MAP4K4: variants seen among roughly 807,000 people sequenced by gnomAD.
The protein encoded by MAP4K4 is mitogen-activated protein kinase kinase kinase kinase 4, also known as HPK/GCK-like kinase HGK.
In MAP4K4, 38 loss-of-function variants were observed where a neutral mutation model predicts 189.6. The ratio of observed to expected loss-of-function variants is 0.20; its 90% CI spans 0.15 to 0.26. MAP4K4 has a LOEUF of 0.26. Ranked by LOEUF, MAP4K4 falls within the 10% of genes least tolerant of loss-of-function variation. The pLI is 1.00. For synonymous variants in MAP4K4, 610 were observed against 624.3 expected (o/e 0.98, Z 0.34); for missense variants, 1,054 against 1,726.9 (o/e 0.61, Z 6.91).
intron 12 of MAP4K4, among the ~76,000 whole-genome samples, chr2:101,855,718 G>A (rs796634688): frequency 1.2e-4 from 19 of 152,296 alleles, no homozygotes; most frequent in African/African-American, 4.3e-4. Context: ...GGTGCAGTGA[G>A]CAGTGGGGAA....
chr2:101,711,749 A>G (rs1559047505), intron 2 of MAP4K4, among the ~76,000 whole-genome samples: 1 of 152,168 alleles, frequency 6.6e-6, no homozygotes, highest in African/African-American at 2.4e-5. Context: ...TATTTTGTAT[A>G]AGCAAGGGCT....
chr2:101,819,830 A>G (rs778978860), intron 3 of MAP4K4, among the ~76,000 whole-genome samples: 3 of 152,198 alleles, frequency 2.0e-5, no homozygotes, highest in Non-Finnish European at 4.4e-5. Flanking sequence ...AGATGTTAAG[A>G]GTGTGTACTT....
chr2:101,807,775 A>C (rs2095095812), intron 3 of MAP4K4, among the ~76,000 whole-genome samples: 1 of 150,454 alleles, frequency 6.6e-6, no homozygotes, highest in African/African-American at 2.4e-5. Flanking sequence ...AGAGTGGGGG[A>C]GGGGGAGGGA....
chr2:101,830,348 G>A (rs1409974601), intron 6 of MAP4K4, among the ~76,000 whole-genome samples: 2 of 152,074 alleles, frequency 1.3e-5, no homozygotes, highest in Admixed American at 6.6e-5. Context: ...AGCCCATGGT[G>A]TTTTCCTGGA....
intron 3 of MAP4K4, among the ~76,000 whole-genome samples, chr2:101,803,701 A>G (rs933373391): frequency 5.9e-5 from 9 of 152,234 alleles, no homozygotes; most frequent in African/African-American, 2.2e-4. Flanking sequence ...GTGAAAATCT[A>G]TAGTAGCAAC....
At position 101,882,590 on chromosome 2, in the gene MAP4K4, T is replaced by A; in HGVS notation, c.3425T>A (p.Leu1142Ter). The A allele has an allele frequency of 6.2e-7, 1 of 1,607,588 alleles. No individual in the cohort carries two copies. Among genetic ancestry groups the A allele is most frequent in the Non-Finnish European group, 8.5e-7 (1 of 1,178,052 alleles). ...TTACGTGTCTACTATTTGTCCTGGT[T>A]AAGAAATAAAATACTTCACAATGAT... The change falls in exon 28 of 33, where the codon TTA (leucine) becomes TAA (stop). Residue 1142 changes from leucine to a stop codon, truncating the protein, a stop_gained. Coordinates refer to ENST00000324219, the Ensembl canonical transcript of MAP4K4. LOFTEE classifies it high-confidence loss of function.
chr2:101,889,725 A>C (rs1559356334), intron 32 of MAP4K4, among the ~76,000 whole-genome samples: 1 of 152,226 alleles, frequency 6.6e-6, no homozygotes, highest in African/African-American at 2.4e-5. Context: ...CTTGGCCCTG[A>C]AGAACGTTTC....
Position 101,889,888 on chromosome 2 carries a change from T to TCTACCCACTG in MAP4K4, c.4071+954_4071+963dup, listed in dbSNP as rs1171254491. On this transcript the variant is annotated intron_variant, in intron 32 of 32. Transcript: ENST00000324219. ...ATCCCAAACACAAAGTCACTTCACC[T>TCTACCCACTG]CTACCCACTGTCTTCTGCAACCCTA... is the stretch of plus-strand genomic sequence containing the variant. Among the ~76,000 whole-genome samples the TCTACCCACTG allele has an allele frequency of 2.6e-5, 4 of 152,272 alleles. No individual in the cohort carries two copies. In the East Asian group the frequency reaches 7.7e-4, roughly 29 times the overall value.
Position 101,704,535 on chromosome 2 carries a change from GTGTGTGTATATA to G in MAP4K4, c.123+5999_123+6010del, listed in dbSNP as rs768895670. Among the ~76,000 whole-genome samples, 277 of 75,324 alleles carry G rather than the reference GTGTGTGTATATA, an allele frequency of 3.7e-3. 1 individual carries two copies. The highest frequency in any genetic ancestry group is 0.013 in the Middle Eastern group (2 of 160). The allele number at this position is 75,324 out of a possible 152,430, so 49.4% of individuals were successfully genotyped here. ...ACCAATATTTTATGTGTGTGTGTGT[GTGTGTGTATATA>G]TATATATATATATATATATATTTTT... On this transcript the variant is annotated intron_variant, in intron 2 of 32. Coordinates refer to ENST00000324219, the Ensembl canonical transcript of MAP4K4.
chr2:101,879,424 A>G (rs2098318097), intron 27 of MAP4K4, among the ~76,000 whole-genome samples: 1 of 152,058 alleles, frequency 6.6e-6, no homozygotes, highest in Non-Finnish European at 1.5e-5. Flanking sequence ...TCTTGTTAAC[A>G]TTTTATATTT....
intron 2 of MAP4K4, among the ~76,000 whole-genome samples, chr2:101,705,744 T>C (rs1345089131): frequency 6.6e-6 from 1 of 152,216 alleles, no homozygotes; most frequent in Non-Finnish European, 1.5e-5. Flanking sequence ...TGAGGAACAC[T>C]GAACTGGCAG....
chr2:101,851,715 A>G (rs2097288975), intron 12 of MAP4K4, among the ~76,000 whole-genome samples: 1 of 129,178 alleles, frequency 7.7e-6, no homozygotes, highest in Admixed American at 8.6e-5. Flanking sequence ...AGAAGTTGGT[A>G]ACTGTCCTCT....
intron 3 of MAP4K4, 66 bp downstream of exon 3, chr2:101,790,842 C>A: frequency 1.5e-6 from 2 of 1,301,750 alleles, no homozygotes; most frequent in Non-Finnish European, 2.2e-6. Context: ...CCCAACAACA[C>A]AGAGTATTAC....
chr2:101,747,569 A>G (rs1385616038), intron 2 of MAP4K4, among the ~76,000 whole-genome samples: 1 of 152,172 alleles, frequency 6.6e-6, no homozygotes, highest in South Asian at 2.1e-4. Context: ...CCCACCTTCT[A>G]ATTAGAGAAG....
At chr2:101,886,855 C>A (rs1190450499) in intron 29 of MAP4K4, among the ~76,000 whole-genome samples, 1 of 151,990 alleles carries the variant, frequency 6.6e-6, no homozygotes, top group Non-Finnish European at 1.5e-5. Context: ...GAAACCCCGT[C>A]TCTACTAAAA....
intron 2 of MAP4K4, among the ~76,000 whole-genome samples, chr2:101,744,227 A>G (rs1383122536): frequency 6.6e-6 from 1 of 152,236 alleles, no homozygotes; most frequent in African/African-American, 2.4e-5. Context: ...AAGAGAGGCG[A>G]AATTAATTTT....
At chr2:101,769,155 G>A (rs1045236093) in intron 2 of MAP4K4, among the ~76,000 whole-genome samples, 3 of 152,086 alleles carry the variant, frequency 2.0e-5, no homozygotes, top group Admixed American at 6.5e-5. Context: ...TTAAAGTTTC[G>A]TTAAGTGACT....
intron 2 of MAP4K4, among the ~76,000 whole-genome samples, chr2:101,757,405 A>G (rs187735873): frequency 1.1e-4 from 16 of 152,332 alleles, no homozygotes; most frequent in Admixed American, 2.6e-4. Context: ...CTATAAGTGA[A>G]TAGACTAGAT....
intron 2 of MAP4K4, among the ~76,000 whole-genome samples, chr2:101,729,101 A>AGAGAGAGTGT (rs149283961): frequency 1.1e-4 from 14 of 130,604 alleles, no homozygotes; most frequent in African/African-American, 3.1e-4. Context: ...AGAGAGAGAG[A>AGAGAGAGTGT]GTGTGTGTGT....
Sources: gnomAD v4.1 joint callset for allele counts (sites outside exome capture counted in the v4.1 genomes callset) on GRCh38, gnomAD v4.1.1 for gene constraint, MANE v1.5 for transcripts, NCBI Gene and HGNC (gene_info 2026-07-23, HGNC 2026-07-21) for gene names.